Variants in ENO4 observed in about 807,000 individuals in gnomAD.
The protein encoded by ENO4 is 2-phospho-D-glycerate hydro-lyase.
Under a neutral mutation model 63.2 loss-of-function variants are expected in ENO4, and 53 were observed. That is an observed-to-expected ratio of 0.84 (90% CI 0.67 to 1.05). ENO4 has a LOEUF of 1.05. Among genes scored for constraint, ENO4 ranks in the 50% least tolerant of loss-of-function variants. The pLI is 0.00. For synonymous variants in ENO4, 266 were observed against 283.8 expected (o/e 0.94, Z 0.63); for missense variants, 719 against 772.0 (o/e 0.93, Z 0.81).
At chr10:116,908,060 T>C (rs1848045112) in intron 10 of ENO4, among the ~76,000 whole-genome samples, 1 of 152,206 alleles carries the variant, frequency 6.6e-6, no homozygotes, top group South Asian at 2.1e-4. Context: ...AATTAACCTC[T>C]ATTAAGAGAT....
chr10:116,899,506 G>GGGGTGT (rs1554906586), intron 10 of ENO4, among the ~76,000 whole-genome samples: 1 of 124,500 alleles, frequency 8.0e-6, no homozygotes, highest in African/African-American at 2.9e-5. Context: ...GGCTGGGGCT[G>GGGGTGT]GTGTGTGTGT....
downstream of ENO4, chr10:116,886,189 T>G: frequency 2.8e-6 from 3 of 1,057,200 alleles, no homozygotes; most frequent in Non-Finnish European, 4.0e-6. Flanking sequence ...TACTTATGTT[T>G]ATAGTTGCTA....
In ENO4 at chr10:116,879,849, AG is replaced by A; in HGVS notation, c.1606-19del. On this transcript the variant is annotated intron_variant, in intron 12 of 13. Coordinates refer to ENST00000341276, the MANE Select transcript of ENO4 (RefSeq NM_001242699.2). ...AGACATGGCTCCTCCGTCTAAAATT[AG>A]TTTTTTCCCCCCTTTCAGGCTGTTG... 6.5e-7 allele frequency: 1 copy of A among 1,528,952 alleles called. No individual in the cohort carries two copies. Among genetic ancestry groups the A allele is most frequent in the Non-Finnish European group, 8.9e-7 (1 of 1,129,600 alleles). The allele number at this position is 1,528,952 out of a possible 1,614,324, so 94.7% of individuals were successfully genotyped here. A position where few individuals can be genotyped will look rare whatever the true frequency, so the allele number is the denominator to read the frequency against.
At chr10:116,906,333 A>G (rs1442227286) in intron 10 of ENO4, among the ~76,000 whole-genome samples, 2 of 152,206 alleles carry the variant, frequency 1.3e-5, no homozygotes, top group East Asian at 1.9e-4. Context: ...TTGATGCTAT[A>G]TTGTTGCCGA....
chr10:116,879,439 A>C, intron 12 of ENO4, 81 bp downstream of exon 12: 2 of 1,079,194 alleles, frequency 1.9e-6, no homozygotes, highest in Non-Finnish European at 2.7e-6. Context: ...TCTCTGGTGG[A>C]GAAAGGCATG....
chr10:116,904,477 A>G (rs915175083), intron 10 of ENO4, among the ~76,000 whole-genome samples: 3 of 151,954 alleles, frequency 2.0e-5, no homozygotes, highest in Admixed American at 1.3e-4. Flanking sequence ...AGGAAACTCA[A>G]AGGAAATTTC....
intron 10 of ENO4, among the ~76,000 whole-genome samples, chr10:116,899,798 T>A (rs1847666885): frequency 6.6e-6 from 1 of 152,152 alleles, no homozygotes; most frequent in African/African-American, 2.4e-5. Flanking sequence ...ACAGGCCAAG[T>A]CTATAAAGTA....
chr10:116,888,437 G>A lies in ENO4; in HGVS notation c.1194+8451G>A, dbSNP rs551479085. 1.8e-4 allele frequency among the ~76,000 whole-genome samples: 28 copies of A among 152,336 alleles called. 1 individual carries two copies. The South Asian group carries it at 5.8e-3, about 32-fold the overall frequency. ...GAGAGGCACTAGTCATGCCGTCTGTGTAAATCTGCTGCTTCTGCGTCTGAC... is the reference window on the plus strand; with the variant it reads ...GAGAGGCACTAGTCATGCCGTCTGTATAAATCTGCTGCTTCTGCGTCTGAC... On this transcript the variant is annotated intron_variant, in intron 10 of 10. Coordinates refer to the ENO4 transcript ENST00000369207.
At chr10:116,859,400 TG>T (rs538706629) in intron 4 of ENO4, among the ~76,000 whole-genome samples, 95 of 152,184 alleles carry the variant, frequency 6.2e-4, no homozygotes, top group African/African-American at 1.8e-3. Flanking sequence ...GGTGCCAAAT[TG>T]GGGGTAGAGT....
Position 116,859,006 on chromosome 10 carries a change from A to G in ENO4, c.502A>G (p.Lys168Glu), listed in dbSNP as rs1846341271. The G allele has an allele frequency of 6.5e-7, 1 of 1,534,662 alleles. No homozygotes were observed. The highest frequency in any genetic ancestry group is 8.7e-7 in the Non-Finnish European group (1 of 1,146,012). Reference sequence around the variant, plus strand: ...GCTATTAAGGATATTCTTCGCAAGTAAAGTACAAGAAGATAAGGGGAGAAA... The same window carrying G: ...GCTATTAAGGATATTCTTCGCAAGTGAAGTACAAGAAGATAAGGGGAGAAA... ...DHLLRIFFAS[K>E]VQEDKGRKEL... Residue 168 changes from lysine to glutamate, a missense_variant, in exon 4 of 14, where the codon AAA becomes GAA. Transcript: ENST00000341276.
At chr10:116,862,898 CCTT>C (rs1564847184) in intron 7 of ENO4, 46 bp downstream of exon 7, 2 of 1,229,760 alleles carry the variant, frequency 1.6e-6, no homozygotes, top group South Asian at 1.3e-5. Context: ...CACTTAGACA[CCTT>C]CTAGCATGCA....
chr10:116,910,403 C>G (rs1848144131), intron 10 of ENO4, among the ~76,000 whole-genome samples: 1 of 152,150 alleles, frequency 6.6e-6, no homozygotes, highest in African/African-American at 2.4e-5. Flanking sequence ...TTTTTTATAA[C>G]TTATAAATTA....
At chr10:116,856,061 ATAGAT>A (rs1409355275) in intron 2 of ENO4, among the ~76,000 whole-genome samples, 3 of 152,248 alleles carry the variant, frequency 2.0e-5, no homozygotes, top group Admixed American at 6.5e-5. Flanking sequence ...ATGTAGGTTT[ATAGAT>A]TAGTCTATTT....
chr10:116,852,305 T>G (rs1211357070), intron 1 of ENO4, among the ~76,000 whole-genome samples: 3 of 152,182 alleles, frequency 2.0e-5, no homozygotes, highest in Non-Finnish European at 4.4e-5. Flanking sequence ...GATAGCAGTG[T>G]GAGAACAAAC....
intron 10 of ENO4, among the ~76,000 whole-genome samples, chr10:116,906,277 G>A (rs2531689): frequency 0.57 from 86,212 of 152,134 alleles, 28,582 homozygotes; most frequent in Non-Finnish European, 0.74. Context: ...TGGTATACAA[G>A]AGAACTAGGA....
In ENO4 at chr10:116,871,113, T is replaced by C. The variant is rs1368533945; in HGVS notation, c.1048-12T>C. On this transcript the variant is annotated splice_polypyrimidine_tract_variant and intron_variant, in intron 8 of 13. Coordinates refer to ENST00000341276, the MANE Select transcript of ENO4 (RefSeq NM_001242699.2). ...CTGTATTGACATGGATCATTGTCTC[T>C]TGATCTTGCAGCAGCAGATCACTGG... is the stretch of plus-strand genomic sequence containing the variant. The C allele has an allele frequency of 6.5e-7, 1 of 1,549,758 alleles. No individual in the cohort carries two copies. Among genetic ancestry groups the C allele is most frequent in the South Asian group, 1.2e-5 (1 of 84,014 alleles).
At chr10:116,907,869 AACTC>A (rs745824467) in intron 10 of ENO4, 1 of 517,714 alleles carries the variant, frequency 1.9e-6, no homozygotes, top group African/African-American at 1.9e-5. Context: ...GTAATGTTTG[AACTC>A]ACTAAGGACT....
At chr10:116,911,338 C>T (rs747178940) in intron 10 of ENO4, among the ~76,000 whole-genome samples, 23 of 152,148 alleles carry the variant, frequency 1.5e-4, no homozygotes, top group Non-Finnish European at 2.8e-4. Flanking sequence ...ATAATTGTTT[C>T]GACTGTGAGG....
rs1447105259 is a variant in ENO4 at position 116,862,834 on chromosome 10, C to G, written c.972C>G (p.Ile324Met). The part of the protein sequence containing the change: ...VEMLMEMQKH[I>M]NKIIEMPSPP... ...TGCTTATGGAAATGCAGAAACATAT[C>G]AACAAAATAATTGAAATGGTATGTA... The change falls in exon 7 of 14, where the codon ATC becomes ATG. Residue 324 changes from isoleucine to methionine, a missense_variant. Around this residue, in one of 3 missense-constraint regions of ENO4, gnomAD observed 544 missense variants for 583.6 expected, o/e 0.93. Transcript: ENST00000341276. 7 of 1,548,612 alleles carry G rather than the reference C, an allele frequency of 4.5e-6. No individual in the cohort carries two copies. The Admixed American group carries it at 1.4e-4, about 30-fold the overall frequency.
Sources: gnomAD v4.1 joint callset for allele counts (sites outside exome capture counted in the v4.1 genomes callset) on GRCh38, gnomAD v4.1.1 for gene constraint, gnomAD v4.1.1 regional missense constraint, MANE v1.5 for transcripts, NCBI Gene and HGNC (gene_info 2026-07-23, HGNC 2026-07-21) for gene names.